The following EYS variants were observed in gnomAD, a reference collection of about 807,000 sequenced individuals.
The protein encoded by EYS is EGF-like photoreceptor maintenance factor.
A neutral mutation model predicts 282.1 loss-of-function variants in EYS; 250 were observed. That is an observed-to-expected ratio of 0.89 (90% confidence interval 0.80 to 0.98). The LOEUF (loss-of-function observed/expected upper bound fraction) is 0.98, where lower values mean the gene tolerates loss of function less well. EYS is among the 50% of genes least tolerant of loss of function. EYS has a pLI of 0.00. For synonymous variants in EYS, 1,355 were observed against 1,282.9 expected (o/e 1.06, Z -1.20); for missense variants, 4,016 against 3,709.0 (o/e 1.08, Z -2.15).
intron 31 of EYS, among the ~76,000 whole-genome samples, chr6:64,198,309 T>C (rs1765359741): frequency 6.6e-6 from 1 of 151,990 alleles, no homozygotes; most frequent in Non-Finnish European, 1.5e-5. Flanking sequence ...ACCCGGCCTA[T>C]AATTTTTTTA....
At chr6:65,493,810 T>G (rs1272111345) in intron 4 of EYS, among the ~76,000 whole-genome samples, 2 of 152,206 alleles carry the variant, frequency 1.3e-5, no homozygotes, top group East Asian at 3.9e-4. Context: ...TCCATCCTTG[T>G]CACTATCAGT....
chr6:64,816,123 G>A (rs1764735947), intron 21 of EYS, among the ~76,000 whole-genome samples: 3 of 152,028 alleles, frequency 2.0e-5, no homozygotes, highest in Admixed American at 2.0e-4. Flanking sequence ...CCTCAATTAA[G>A]ATCTTGGAGA....
At chr6:63,798,796 G>C (rs749781366) in intron 37 of EYS, among the ~76,000 whole-genome samples, 1 of 151,732 alleles carries the variant, frequency 6.6e-6, no homozygotes, top group Non-Finnish European at 1.5e-5. Flanking sequence ...AAGCAAACAA[G>C]AAATTATTTG....
chr6:65,264,184 T>C (rs375593924), intron 12 of EYS, among the ~76,000 whole-genome samples: 21 of 152,282 alleles, frequency 1.4e-4, no homozygotes, highest in African/African-American at 4.8e-4. Flanking sequence ...CAAGGCACTT[T>C]TTGAACCAAT....
At chr6:64,324,905 C>T (rs777585593) in intron 29 of EYS, among the ~76,000 whole-genome samples, 15 of 152,134 alleles carry the variant, frequency 9.9e-5, no homozygotes, top group Non-Finnish European at 1.5e-4. Context: ...ATACAGCTAA[C>T]CAAATAGGTG....
intron 1 of EYS, among the ~76,000 whole-genome samples, chr6:65,648,535 T>C (rs752760157): frequency 2.0e-5 from 3 of 152,054 alleles, no homozygotes; most frequent in Non-Finnish European, 4.4e-5. Flanking sequence ...AATGATACAA[T>C]AGACTTTGGG....
At chr6:64,130,295 C>T (rs530079466) in intron 31 of EYS, among the ~76,000 whole-genome samples, 63 of 152,276 alleles carry the variant, frequency 4.1e-4, no homozygotes, top group African/African-American at 1.5e-3. Flanking sequence ...GAATACTATG[C>T]AGCCATAAAA....
In EYS at chr6:64,908,197, G is replaced by T. The variant is rs546804449; in HGVS notation, c.2641+4287C>A. Among the ~76,000 whole-genome samples, 22 of 152,164 alleles carry T rather than the reference G, an allele frequency of 1.4e-4. No homozygotes were observed. In the South Asian group the frequency reaches 3.9e-3, roughly 27 times the overall value. Reference sequence around the variant, plus strand: ...TTGGTCTATTATGCTCAAGCTTTTGGGGGAGAGAGCACATATGCCAGCAAG... The same window carrying T: ...TTGGTCTATTATGCTCAAGCTTTTGTGGGAGAGAGCACATATGCCAGCAAG... On this transcript the variant is annotated intron_variant, in intron 16 of 42. Transcript: ENST00000503581.
intron 30 of EYS, among the ~76,000 whole-genome samples, chr6:64,277,248 A>G (rs886464541): frequency 6.6e-6 from 1 of 152,152 alleles, no homozygotes; most frequent in Non-Finnish European, 1.5e-5. Context: ...CACAGTTGCA[A>G]TTTCCACAGG....
At chr6:64,253,399 C>T (rs1430622861) in intron 30 of EYS, among the ~76,000 whole-genome samples, 1 of 152,142 alleles carries the variant, frequency 6.6e-6, no homozygotes, top group Non-Finnish European at 1.5e-5. Flanking sequence ...TTGAAAGTCA[C>T]ATCTTCTCAT....
chr6:64,947,953 T>C (rs1769347239), intron 14 of EYS, among the ~76,000 whole-genome samples: 1 of 151,546 alleles, frequency 6.6e-6, no homozygotes, highest in African/African-American at 2.4e-5. Context: ...GATGCCTCAA[T>C]AATATTTTGA....
At chr6:64,658,696 C>A (rs1583007231) in intron 22 of EYS, among the ~76,000 whole-genome samples, 1 of 152,328 alleles carries the variant, frequency 6.6e-6, no homozygotes, top group Non-Finnish European at 1.5e-5. Context: ...AATGTTGCTA[C>A]TGGATCAATC....
At chr6:65,620,481 T>C (rs1766430673) in intron 2 of EYS, among the ~76,000 whole-genome samples, 1 of 151,734 alleles carries the variant, frequency 6.6e-6, no homozygotes, top group African/African-American at 2.4e-5. Context: ...CTCTCAATTT[T>C]GTTGATCGTT....
At chr6:64,050,638 G>T (rs983180569) in intron 33 of EYS, among the ~76,000 whole-genome samples, 8 of 152,162 alleles carry the variant, frequency 5.3e-5, no homozygotes, top group African/African-American at 1.7e-4. Context: ...AGTGCCACAA[G>T]TTACAAAATC....
chr6:65,445,482 A>G (rs1424544577), intron 5 of EYS, among the ~76,000 whole-genome samples: 1 of 151,810 alleles, frequency 6.6e-6, no homozygotes, highest in Non-Finnish European at 1.5e-5. Flanking sequence ...TTGCCTGCTA[A>G]TTTATATTTT....
chr6:65,037,292 A>T (rs963417424), intron 13 of EYS, among the ~76,000 whole-genome samples: 2 of 151,796 alleles, frequency 1.3e-5, no homozygotes, highest in African/African-American at 4.8e-5. Context: ...GAGAACATTG[A>T]TAAGAGGACC....
chr6:65,639,954 C>T (rs1161458286), intron 1 of EYS, 62 bp from the exon 2 acceptor site: 2 of 152,118 alleles, frequency 1.3e-5, no homozygotes, highest in East Asian at 3.9e-4. Context: ...CATCCCTAAG[C>T]TCTCCCACAT....
chr6:65,055,612 G>A (rs1261744479), intron 13 of EYS, among the ~76,000 whole-genome samples: 1 of 151,800 alleles, frequency 6.6e-6, no homozygotes, highest in Non-Finnish European at 1.5e-5. Flanking sequence ...GGCTTCTCTT[G>A]GCTTTGAAAG....
intron 41 of EYS, among the ~76,000 whole-genome samples, chr6:63,747,283 C>G (rs1377129380): frequency 6.6e-6 from 1 of 152,196 alleles, no homozygotes; most frequent in Non-Finnish European, 1.5e-5. Context: ...ACACTGAGTT[C>G]TAATTTGATT....
Sources: gnomAD v4.1 joint callset for allele counts (sites outside exome capture counted in the v4.1 genomes callset) on GRCh38, gnomAD v4.1.1 for gene constraint, MANE v1.5 for transcripts, NCBI Gene and HGNC (gene_info 2026-07-23, HGNC 2026-07-21) for gene names.